Variants in SATL1 observed in about 807,000 individuals in gnomAD.
SATL1 encodes spermidine/spermine N1-acetyl transferase like 1.
Under a neutral mutation model 51.8 loss-of-function variants are expected in SATL1, and 47 were observed. The observed-to-expected ratio is 0.91, with a 90% CI of 0.72 to 1.16. The LOEUF (loss-of-function observed/expected upper bound fraction) is 1.16, where lower values mean the gene tolerates loss of function less well. Among genes scored for constraint, SATL1 ranks in the 50% most tolerant of loss-of-function variants. SATL1 has a pLI of 0.00. For synonymous variants in SATL1, 176 were observed against 182.4 expected, an observed-to-expected ratio of 0.97 and a Z score of 0.28; for missense variants, 520 against 526.4, an observed-to-expected ratio of 0.99 and a Z score of 0.12.
chrX:85,148,808 G>C (rs1355727350), intron 2 of SATL1, among the ~76,000 whole-genome samples: 2 of 111,407 alleles, frequency 1.8e-5, no homozygotes, highest in Admixed American at 1.9e-4. Context: ...AAGAGCTCCT[G>C]AAGGAAGCAC....
At chrX:85,219,360 C>A in intron 2 of SATL1, 2 of 112,041 alleles carry the variant, frequency 1.8e-5, no homozygotes, top group East Asian at 2.8e-4. Context: ...ATACCTTGAA[C>A]TTTTTCTTTT....
At chrX:85,241,138 C>T (rs747906546) in intron 1 of SATL1, among the ~76,000 whole-genome samples, 7 of 110,965 alleles carry the variant, frequency 6.3e-5, no homozygotes, top group African/African-American at 2.3e-4. Context: ...AAATTGTACT[C>T]CCAATGTTCA....
chrX:85,093,021 A>G, intron 7 of SATL1, 164 bp downstream of exon 7: 1 of 466,533 alleles, frequency 2.1e-6, no homozygotes, highest in Non-Finnish European at 3.6e-6. Flanking sequence ...CATATACTGT[A>G]TATGATCATC....
At chrX:85,095,907 A>G (rs1602822738) in intron 4 of SATL1, among the ~76,000 whole-genome samples, 1 of 108,603 alleles carries the variant, frequency 9.2e-6, no homozygotes, top group African/African-American at 3.4e-5. Flanking sequence ...CTGATCCCTG[A>G]CACAGAGAAC....
At chrX:85,229,763 A>G (rs1331238214) in intron 1 of SATL1, among the ~76,000 whole-genome samples, 1 of 112,035 alleles carries the variant, frequency 8.9e-6, no homozygotes, top group Non-Finnish European at 1.9e-5. Context: ...CAGATTTAAC[A>G]TACAAAAACT....
intron 2 of SATL1, among the ~76,000 whole-genome samples, chrX:85,178,455 C>A (rs764009456): frequency 1.8e-5 from 2 of 109,769 alleles, no homozygotes; most frequent in African/African-American, 6.6e-5. Flanking sequence ...CCCTATGTTT[C>A]CCAGGCAGGT....
At chrX:85,183,315 C>A (rs970447609) in intron 2 of SATL1, among the ~76,000 whole-genome samples, 5 of 108,425 alleles carry the variant, frequency 4.6e-5, no homozygotes, top group African/African-American at 1.3e-4. Context: ...TTCCCCAACA[C>A]CTTCATTGAA....
Position 85,210,204 on chromosome X carries a change from T to C in SATL1, c.-313+14001A>G, listed in dbSNP as rs370738811. The C allele has an allele frequency of 2.8e-5, 3 of 108,283 alleles. No homozygotes were observed. In the East Asian group the frequency reaches 8.8e-4, roughly 32 times the overall value. The allele number at this position is 108,283 out of a possible 1,213,427, so 8.9% of individuals were successfully genotyped here. A position where few individuals can be genotyped will look rare whatever the true frequency, so the allele number is the denominator to read the frequency against. On this transcript the variant is annotated intron_variant, in intron 2 of 7. Transcript: ENST00000644105. ...ATATGAGTGGAGTGCCACACTCTTA[T>C]AGCCACTACCATCGCCACTCTTTCT...
chrX:85,136,281 T>A (rs959131016), intron 2 of SATL1, among the ~76,000 whole-genome samples: 15 of 111,522 alleles, frequency 1.3e-4, no homozygotes, highest in African/African-American at 4.6e-4. Context: ...GTTGGATATC[T>A]ACACTGGAGA....
At chrX:85,201,048 C>T (rs146295806) in intron 2 of SATL1, among the ~76,000 whole-genome samples, 4 of 110,800 alleles carry the variant, frequency 3.6e-5, no homozygotes, top group African/African-American at 9.8e-5. Flanking sequence ...TTCTTGTCTA[C>T]AGTACCTCAG....
At chrX:85,145,870 C>G (rs1207613539) in intron 2 of SATL1, among the ~76,000 whole-genome samples, 3 of 108,811 alleles carry the variant, frequency 2.8e-5, no homozygotes, top group Non-Finnish European at 5.7e-5. Flanking sequence ...TAAGAGACCA[C>G]ATTCACATAA....
chrX:85,196,289 G>C (rs1338653245), intron 2 of SATL1, among the ~76,000 whole-genome samples: 2 of 111,373 alleles, frequency 1.8e-5, no homozygotes, highest in African/African-American at 6.5e-5. Flanking sequence ...AAAAAATAAA[G>C]TAAAATAAAA....
chrX:85,126,535 C>T (rs1247770394), intron 2 of SATL1, among the ~76,000 whole-genome samples: 2 of 111,388 alleles, frequency 1.8e-5, no homozygotes, highest in East Asian at 5.7e-4. Flanking sequence ...CATTTTACCA[C>T]TACTGCCGCT....
chrX:85,098,340 C>T (rs1314807301), intron 4 of SATL1, among the ~76,000 whole-genome samples: 1 of 111,073 alleles, frequency 9.0e-6, no homozygotes, highest in African/African-American at 3.3e-5. Context: ...CAAACACTGA[C>T]AGAACTGAGA....
At chrX:85,236,414 C>T (rs141061094) in intron 1 of SATL1, among the ~76,000 whole-genome samples, 2,023 of 111,002 alleles carry the variant, frequency 0.018, 28 homozygotes, top group Non-Finnish European at 0.029. Flanking sequence ...AGTTAATATT[C>T]CTAATGAAAA....
At position 85,108,646 on chromosome X, in the gene SATL1, T is replaced by G. The variant is rs1280373593; in HGVS notation, c.323A>C (p.Asp108Ala). 1 of 1,200,119 alleles carries G rather than the reference T, an allele frequency of 8.3e-7. No individual in the cohort carries two copies. Among genetic ancestry groups the G allele is most frequent in the Non-Finnish European group, 1.1e-6 (1 of 889,787 alleles). Reference protein sequence around the residue: ...VLSKAGISQPDPSQPGPSQSG... With the variant: ...VLSKAGISQPAPSQPGPSQSG... ...TTGGCTTGGGCCTGGTTGCGATGGG[T>G]CTGGTTGGCTTATGCCTGCTTTGCT... Residue 108 changes from aspartate (D) to alanine (A), a missense_variant, in exon 3 of 8, where the codon GAC (aspartate) becomes GCC (alanine). Physicochemically the swap from Asp to Ala is moderately radical, Grantham distance 126. Coordinates refer to ENST00000644105, the MANE Select transcript of SATL1 (RefSeq NM_001367857.2).
intron 1 of SATL1, among the ~76,000 whole-genome samples, chrX:85,229,550 G>A (rs1277505185): frequency 1.8e-5 from 2 of 110,683 alleles, no homozygotes; most frequent in Middle Eastern, 4.7e-3. Flanking sequence ...ATTAACATAA[G>A]TATAAAAACC....
intron 2 of SATL1, among the ~76,000 whole-genome samples, chrX:85,205,668 T>C (rs1927778751): frequency 8.9e-6 from 1 of 112,031 alleles, no homozygotes; most frequent in African/African-American, 3.2e-5. Flanking sequence ...GGCTGAAATG[T>C]TGATAAGGTA....
chrX:85,218,739 G>T (rs1288716930), intron 2 of SATL1, among the ~76,000 whole-genome samples: 6 of 111,562 alleles, frequency 5.4e-5, no homozygotes, highest in Non-Finnish European at 1.1e-4. Context: ...ATAAAAAAAA[G>T]AAATACTTGC....
Sources: gnomAD v4.1 joint callset for allele counts (sites outside exome capture counted in the v4.1 genomes callset) on GRCh38, gnomAD v4.1.1 for gene constraint, MANE v1.5 for transcripts, NCBI Gene and HGNC (gene_info 2026-07-23, HGNC 2026-07-21) for gene names.